PLAGL1: variants seen among roughly 807,000 people sequenced by gnomAD.
The protein encoded by PLAGL1 is PLAG1 like zinc finger 1.
Under a neutral mutation model 4.6 loss-of-function variants are expected in PLAGL1, and 1 was observed. That is an observed-to-expected ratio of 0.22 (90% CI 0.08 to 1.03). The LOEUF (loss-of-function observed/expected upper bound fraction) is 1.03. Ranked by LOEUF, PLAGL1 falls within the 50% of genes least tolerant of loss-of-function variation. The pLI, the probability that PLAGL1 is intolerant of heterozygous loss-of-function variation, is 0.58. For missense variants in PLAGL1, 464 were observed against 570.4 expected (o/e 0.81, Z 1.90); for synonymous variants, 240 against 237.8 (o/e 1.01, Z -0.08).
intron 1 of PLAGL1, among the ~76,000 whole-genome samples, chr6:144,040,153 A>G (rs543273983): frequency 1.8e-4 from 28 of 152,346 alleles, no homozygotes; most frequent in African/African-American, 6.3e-4. Context: ...TCCAAAGTTC[A>G]TGGTAAGTAC....
chr6:144,007,266 G>T (rs1003158090), intron 1 of PLAGL1: 3 of 152,172 alleles, frequency 2.0e-5, no homozygotes, highest in Non-Finnish European at 1.5e-5. Flanking sequence ...AGCCCAGCGA[G>T]ACCGGTGGGT....
intron 1 of PLAGL1, among the ~76,000 whole-genome samples, chr6:144,054,310 G>A (rs1798786666): frequency 6.6e-6 from 1 of 152,124 alleles, no homozygotes; most frequent in African/African-American, 2.4e-5. Flanking sequence ...TATGTTTATT[G>A]CAGCACAATT....
rs1357938660 is a variant in PLAGL1 at position 144,056,856 on chromosome 6, C to T, written c.-151+7612G>A. Among the ~76,000 whole-genome samples, 1 of 151,894 alleles carries T rather than the reference C, an allele frequency of 6.6e-6. No homozygotes were observed. Among genetic ancestry groups the T allele is most frequent in the African/African-American group, 2.4e-5 (1 of 41,332 alleles). On this transcript the variant is annotated intron_variant, in intron 1 of 3. Transcript: ENST00000437412. The surrounding 1 kb of genome is among the most constrained non-coding windows in gnomAD (Gnocchi z 4.7). Reference sequence around the variant, plus strand: ...ATTTTTTTTAATTTTATTTATGCTGCCCAGGTGTTGCCCAGGCTGCTCTCA... The same window carrying T: ...ATTTTTTTTAATTTTATTTATGCTGTCCAGGTGTTGCCCAGGCTGCTCTCA...
At chr6:144,062,520 C>A (rs1799510459) in intron 1 of PLAGL1, among the ~76,000 whole-genome samples, 3 of 146,096 alleles carry the variant, frequency 2.1e-5, no homozygotes, top group Admixed American at 6.8e-5. Flanking sequence ...TACAGTGAAT[C>A]CTCAATTATA....
In PLAGL1 at chr6:143,945,784, A is replaced by G. The variant is rs891627732; in HGVS notation, c.152+2201T>C. ...TCTTTTTTTTAAAAGCAAAACCGAA[A>G]GCATCCTGCCATCTCACACTCTTCC... On this transcript the variant is annotated intron_variant, in intron 7 of 7. Transcript: ENST00000674357. The surrounding 1 kb of genome is among the most constrained non-coding windows in gnomAD (Gnocchi z 4.2). 2.0e-5 allele frequency among the ~76,000 whole-genome samples: 3 copies of G among 152,260 alleles called. No homozygotes were observed. Among genetic ancestry groups the G allele is most frequent in the African/African-American group, 4.8e-5 (2 of 41,554 alleles).
chr6:144,053,609 C>G lies in PLAGL1; in HGVS notation c.-151+10859G>C, dbSNP rs1304242524. Among the ~76,000 whole-genome samples the G allele has an allele frequency of 2.6e-5, 4 of 152,252 alleles. No homozygotes were observed. In the East Asian group the frequency reaches 7.7e-4, roughly 29 times the overall value. On this transcript the variant is annotated intron_variant, in intron 1 of 3. Transcript: ENST00000437412. This position sits in a 1 kb window ranked among gnomAD's most constrained non-coding sequence, Gnocchi z 4.0. ...GATGGACAGTACAGACAATAAGTCC[C>G]TACAGGACTTATTTGGATAAAAAGG...
In PLAGL1 at chr6:143,964,630, G is replaced by A. The variant is rs1222566924; in HGVS notation, c.-399+157C>T. On this transcript the variant is annotated intron_variant, in intron 5 of 7. Transcript: ENST00000674357. The surrounding 1 kb of genome is among the most constrained non-coding windows in gnomAD (Gnocchi z 4.3). The stretch of plus-strand genomic sequence containing the variant: ...AATCTAGTTTTCAAAAAAGGCCACC[G>A]CTTCGTTAGAGAGAGGACCATGGAC... Among the ~76,000 whole-genome samples the A allele has an allele frequency of 2.1e-5, 3 of 144,578 alleles. No individual in the cohort carries two copies. Among genetic ancestry groups the A allele is most frequent in the East Asian group, 2.2e-4 (1 of 4,610 alleles). 94.8% of individuals were successfully genotyped at this position (144,578 alleles called of 152,430 possible).
chr6:143,948,169 G>A lies in PLAGL1; in HGVS notation c.-33C>T, dbSNP rs1562391786. On this transcript the variant is annotated 5_prime_UTR_variant, in exon 7 of 8. Transcript: ENST00000674357. The surrounding 1 kb of genome is among the most constrained non-coding windows in gnomAD (Gnocchi z 6.0). The stretch of plus-strand genomic sequence containing the variant: ...GCTTCTCACACCTTCCTTTTCAGAT[G>A]TGCTGACCAAATGCTGTGCCATTTA... 1 of 1,603,522 alleles carries A rather than the reference G, an allele frequency of 6.2e-7. No homozygotes were observed. Among genetic ancestry groups the A allele is most frequent in the Admixed American group, 1.7e-5 (1 of 59,942 alleles).
At position 143,975,548 on chromosome 6, in the gene PLAGL1, G is replaced by A. The variant is rs762084323; in HGVS notation, c.-543-6570C>T. ...TATCAATGCTGAAAATCAAAACAGT[G>A]TAAACTTGTTAAAAGGAAAAATTTC... On this transcript the variant is annotated intron_variant, in intron 2 of 7. Transcript: ENST00000674357. The surrounding 1 kb of genome is among the most constrained non-coding windows in gnomAD (Gnocchi z 5.8). 3.3e-5 allele frequency among the ~76,000 whole-genome samples: 5 copies of A among 152,024 alleles called. No individual in the cohort carries two copies. Among genetic ancestry groups the A allele is most frequent in the Non-Finnish European group, 7.4e-5 (5 of 67,964 alleles).
rs983077832 is a variant in PLAGL1 at position 144,056,256 on chromosome 6, C to T, written c.-151+8212G>A. 4.6e-5 allele frequency among the ~76,000 whole-genome samples: 7 copies of T among 152,308 alleles called. No homozygotes were observed. The highest frequency in any genetic ancestry group is 1.2e-4 in the African/African-American group (5 of 41,574). Reference sequence around the variant, plus strand: ...TCTTACATGTCCCATCCCCCACACACGCACAGCCTCCCCTATTACCGGCAT... The same window carrying T: ...TCTTACATGTCCCATCCCCCACACATGCACAGCCTCCCCTATTACCGGCAT... On this transcript the variant is annotated intron_variant, in intron 1 of 3. Transcript: ENST00000437412. This position sits in a 1 kb window ranked among gnomAD's most constrained non-coding sequence, Gnocchi z 4.7.
rs118118109 is a variant in PLAGL1, at chr6:143,991,742, G to A, written c.-583-6568C>T. ...GGTTCCCAGAACCATGGCATTCCTT[G>A]TCCAAAGAGCTTCAAGCCTGCTAAC... On this transcript the variant is annotated intron_variant, in intron 1 of 7. Coordinates refer to ENST00000674357, the MANE Select transcript of PLAGL1 (RefSeq NM_001317162.2). Among the ~76,000 whole-genome samples, 971 of 152,344 alleles carry A rather than the reference G, an allele frequency of 6.4e-3. 7 individuals are homozygous for A. The highest frequency in any genetic ancestry group is 0.01 in the Non-Finnish European group (706 of 68,016).
At chr6:144,028,759 G>T (rs1796561723) in intron 1 of PLAGL1, among the ~76,000 whole-genome samples, 1 of 152,148 alleles carries the variant, frequency 6.6e-6, no homozygotes, top group South Asian at 2.1e-4. Flanking sequence ...AAAGCAAGTG[G>T]ATCCAAAGCA....
At chr6:143,999,887 T>G (rs1263497821) in intron 1 of PLAGL1, among the ~76,000 whole-genome samples, 2 of 152,172 alleles carry the variant, frequency 1.3e-5, no homozygotes, top group Non-Finnish European at 2.9e-5. Context: ...TTCTTACCCC[T>G]TTTTATGTAT....
rs1349781139 is a variant in PLAGL1, at chr6:143,960,536, T to G, written c.-392A>C. The G allele has an allele frequency of 6.6e-6, 1 of 152,174 alleles. No individual in the cohort carries two copies. The highest frequency in any genetic ancestry group is 1.5e-5 in the Non-Finnish European group (1 of 68,030). 9.4% of individuals were successfully genotyped at this position (152,174 alleles called of 1,614,324 possible). On this transcript the variant is annotated 5_prime_UTR_variant, in exon 6 of 8. Coordinates refer to ENST00000674357, the MANE Select transcript of PLAGL1 (RefSeq NM_001317162.2). The surrounding 1 kb of genome is among the most constrained non-coding windows in gnomAD (Gnocchi z 5.7). ...GTCCTCCCAGAAGTTTGTCTGAAGA[T>G]TCAAACCTGTGAGAAGAGACCTTGT...
Position 143,955,684 on chromosome 6 carries a change from C to T in PLAGL1, c.-325+4785G>A, listed in dbSNP as rs1032492927. 7.9e-5 allele frequency among the ~76,000 whole-genome samples: 12 copies of T among 152,128 alleles called. No individual in the cohort carries two copies. Among genetic ancestry groups the T allele is most frequent in the South Asian group, 6.2e-4 (3 of 4,814 alleles). ...CACCAGGGAGCTGGGCAATGGGGACCGATCAGAAGCAGTGGACTTGCCACC... is the reference window on the plus strand; with the variant it reads ...CACCAGGGAGCTGGGCAATGGGGACTGATCAGAAGCAGTGGACTTGCCACC... On this transcript the variant is annotated intron_variant, in intron 6 of 7. Transcript: ENST00000674357. The surrounding 1 kb of genome is among the most constrained non-coding windows in gnomAD (Gnocchi z 4.9).
At chr6:144,052,953 C>A (rs1190591341) in intron 1 of PLAGL1, among the ~76,000 whole-genome samples, 1 of 152,154 alleles carries the variant, frequency 6.6e-6, no homozygotes, top group East Asian at 1.9e-4. Context: ...TTCTTGGTAT[C>A]ATGAACTGAG....
At chr6:144,043,436 A>G (rs1023048935) in intron 1 of PLAGL1, among the ~76,000 whole-genome samples, 8 of 152,100 alleles carry the variant, frequency 5.3e-5, no homozygotes, top group Middle Eastern at 3.4e-3. Context: ...AGATAATCAC[A>G]TGGTTTTTGT....
At position 143,962,566 on chromosome 6, in the gene PLAGL1, A is replaced by G. The variant is rs1187862530; in HGVS notation, c.-398-2024T>C. On this transcript the variant is annotated intron_variant, in intron 5 of 7. Coordinates refer to ENST00000674357, the MANE Select transcript of PLAGL1 (RefSeq NM_001317162.2). The surrounding 1 kb of genome is among the most constrained non-coding windows in gnomAD (Gnocchi z 5.3). ...CAAAAACCAAAGTTTCATAGAGTGT[A>G]TGAGTTCCAGGATGTGTTTTTGCTG... 2.0e-5 allele frequency among the ~76,000 whole-genome samples: 3 copies of G among 152,222 alleles called. No individual in the cohort carries two copies. The highest frequency in any genetic ancestry group is 6.5e-5 in the Admixed American group (1 of 15,276).
At chr6:144,041,677 T>A (rs1797741808) in intron 1 of PLAGL1, among the ~76,000 whole-genome samples, 1 of 152,214 alleles carries the variant, frequency 6.6e-6, no homozygotes, top group Admixed American at 6.5e-5. Flanking sequence ...GTAGCATGAT[T>A]TATAATCCTT....
Sources: allele counts gnomAD v4.1 joint callset (sites outside exome capture counted in the v4.1 genomes callset), GRCh38; gene constraint gnomAD v4.1.1; non-coding constraint Gnocchi (gnomAD v3.1); transcripts MANE v1.5; gene names NCBI Gene and HGNC (gene_info 2026-07-23, HGNC 2026-07-21).